The following MED6 variants were observed in gnomAD, a reference collection of about 807,000 sequenced individuals.
MED6 encodes mediator complex subunit 6.
MED6 carries 33 observed loss-of-function variants against 37.5 expected under a neutral mutation model. The ratio of observed to expected loss-of-function variants is 0.88; its 90% CI spans 0.67 to 1.18. MED6 has a LOEUF of 1.18. Ranked by LOEUF, MED6 falls within the 50% of genes most tolerant of loss-of-function variation. The pLI, the probability that MED6 is intolerant of heterozygous loss-of-function variation, is 0.00. For missense variants in MED6, 235 were observed against 290.6 expected, an observed-to-expected ratio of 0.81 and a Z score of 1.39; for synonymous variants, 94 against 93.6, an observed-to-expected ratio of 1.00 and a Z score of -0.02.
At chr14:70,589,353 A>G (rs1348676843) in intron 6 of MED6, among the ~76,000 whole-genome samples, 8 of 152,072 alleles carry the variant, frequency 5.3e-5, no homozygotes, top group Admixed American at 4.6e-4. Flanking sequence ...GTGATTTCCT[A>G]AGCATCCCCC....
chr14:70,596,878 A>G (rs1487722524), intron 2 of MED6, 176 bp from the exon 3 acceptor site: 1 of 510,390 alleles, frequency 2.0e-6, no homozygotes, highest in Non-Finnish European at 3.5e-6. Flanking sequence ...GACAGGTGGC[A>G]TATAGATAAA....
chr14:70,597,949 C>T, intron 1 of MED6, 172 bp from the exon 2 acceptor site: 1 of 429,054 alleles, frequency 2.3e-6, no homozygotes, highest in Non-Finnish European at 4.0e-6. Flanking sequence ...AAAGCAATAA[C>T]ATGATTAAGT....
intron 1 of MED6, among the ~76,000 whole-genome samples, chr14:70,599,622 T>TG (rs1334288579): frequency 6.6e-6 from 1 of 152,244 alleles, no homozygotes; most frequent in Non-Finnish European, 1.5e-5. Context: ...CCAGCCACAC[T>TG]GACCTCCTTG....
At chr14:70,590,690 A>G (rs997668498) in intron 6 of MED6, among the ~76,000 whole-genome samples, 2 of 152,230 alleles carry the variant, frequency 1.3e-5, no homozygotes, top group Non-Finnish European at 2.9e-5. Context: ...CCAAAAGCTC[A>G]TTTAGTAGAA....
At chr14:70,589,361 C>T (rs972097663) in intron 6 of MED6, among the ~76,000 whole-genome samples, 1 of 152,112 alleles carries the variant, frequency 6.6e-6, no homozygotes, top group African/African-American at 2.4e-5. Flanking sequence ...CTAAGCATCC[C>T]CCCCATACTG....
Position 70,592,963 on chromosome 14 carries a change from G to A in MED6, c.383C>T (p.Ser128Leu), listed in dbSNP as rs768765176. The change falls in exon 5 of 8, where the codon TCA becomes TTA. Residue 128 changes from serine to leucine, a missense_variant. By Grantham distance (145) the Ser-to-Leu change is moderately radical. Coordinates refer to ENST00000256379, the MANE Select transcript of MED6 (RefSeq NM_005466.4). ...GTATGACATAGCTTCATCAAAAGCT[G>A]ACTGAATACCATGCACTGCAGTAAG... is the stretch of plus-strand genomic sequence containing the variant. ...RVLTAVHGIQ[S>L]AFDEAMSYCR... 6.2e-7 allele frequency: 1 copy of A among 1,613,680 alleles called. No homozygotes were observed. Among genetic ancestry groups the A allele is most frequent in the East Asian group, 2.2e-5 (1 of 44,860 alleles).
rs10137634 is a variant in MED6, at chr14:70,585,814, G to T, written c.583-31C>A. The T allele has an allele frequency of 0.021, 33,156 of 1,591,782 alleles. 1,144 individuals are homozygous for T. The highest frequency in any genetic ancestry group is 0.15 in the African/African-American group (10,920 of 73,588). On this transcript the variant is annotated intron_variant, in intron 6 of 7. Coordinates refer to ENST00000256379, the MANE Select transcript of MED6 (RefSeq NM_005466.4). ...ATTTTTTAGAAAAAAGGGAGGGAGA[G>T]GAAGAGGAAAAAGAAGAAAACAGGT...
At chr14:70,598,521 T>C (rs541266370) in intron 1 of MED6, among the ~76,000 whole-genome samples, 40 of 151,968 alleles carry the variant, frequency 2.6e-4, no homozygotes, top group African/African-American at 8.7e-4. Flanking sequence ...ACAGAGGACC[T>C]GGGGAAACGA....
intron 6 of MED6, 55 bp downstream of exon 6, chr14:70,591,209 AAT>A: frequency 7.9e-7 from 1 of 1,273,436 alleles, no homozygotes; most frequent in Non-Finnish European, 1.1e-6. Flanking sequence ...ATTAAAAATT[AAT>A]ATATATGCCA....
intron 5 of MED6, chr14:70,592,603 CA>C (rs575696539): frequency 2.9e-4 from 68 of 234,410 alleles, no homozygotes; most frequent in African/African-American, 1.6e-3. Context: ...GCTGGGATTA[CA>C]GGAGTGAGCC....
In MED6 at chr14:70,592,478, C is replaced by CTTTTTTTTT. The variant is rs201036704; in HGVS notation, c.466+393_466+401dup. The CTTTTTTTTT allele has an allele frequency of 4.2e-4, 37 of 88,854 alleles. 2 individuals are homozygous for CTTTTTTTTT. The highest frequency in any genetic ancestry group is 1.5e-3 in the African/African-American group (25 of 17,008). The allele number at this position is 88,854 out of a possible 1,614,324, so 5.5% of individuals were successfully genotyped here. On this transcript the variant is annotated intron_variant, in intron 5 of 7. Transcript: ENST00000256379. ...CCACACCACTGTCTCTCCTATGTTC[C>CTTTTTTTTT]TTTTTTTTTTTTTTTTTTTTTTTTT...
In MED6 at chr14:70,586,209, C is replaced by T. The variant is rs552692167; in HGVS notation, c.583-426G>A. ...GAAGGGAGAATGAAGTATGGATGAA[C>T]CATGACTTTTAAAGTTGGTAGGCAT... On this transcript the variant is annotated intron_variant, in intron 6 of 7. Transcript: ENST00000256379. 3.3e-5 allele frequency among the ~76,000 whole-genome samples: 5 copies of T among 152,178 alleles called. No homozygotes were observed. The South Asian group carries it at 1.0e-3, about 32-fold the overall frequency.
chr14:70,591,006 TGAATGA>T (rs977732604), intron 6 of MED6, among the ~76,000 whole-genome samples: 6 of 152,252 alleles, frequency 3.9e-5, no homozygotes, highest in African/African-American at 1.4e-4. Context: ...AGCAACCTTT[TGAATGA>T]GAATATTATC....
chr14:70,594,798 T>G (rs1257339329), intron 3 of MED6: 1 of 595,620 alleles, frequency 1.7e-6, no homozygotes, highest in African/African-American at 1.9e-5. Flanking sequence ...GAGGAGACCA[T>G]GCAAAGCCTG....
chr14:70,585,345 C>G (rs569658412), intron 7 of MED6, among the ~76,000 whole-genome samples: 8 of 152,230 alleles, frequency 5.3e-5, no homozygotes, highest in Admixed American at 1.3e-4. Context: ...CTTTTTCCCT[C>G]CCAATTCATC....
At chr14:70,597,886 A>G (rs1366384810) in intron 1 of MED6, 109 bp from the exon 2 acceptor site, 13 of 803,608 alleles carry the variant, frequency 1.6e-5, no homozygotes, top group Non-Finnish European at 2.3e-5. Flanking sequence ...TATAAGGATG[A>G]CATAGATCCT....
chr14:70,585,391 C>T lies in MED6; in HGVS notation c.610+365G>A, dbSNP rs2153113. On this transcript the variant is annotated intron_variant, in intron 7 of 7. Transcript: ENST00000256379. ...CACAATCACTACCACAATGGCACCACCTGCTGACAGTTCAGCAGCTCTCAA... is the reference window on the plus strand; with the variant it reads ...CACAATCACTACCACAATGGCACCATCTGCTGACAGTTCAGCAGCTCTCAA... Among the ~76,000 whole-genome samples, 964 of 152,224 alleles carry T rather than the reference C, an allele frequency of 6.3e-3. 7 individuals carry two copies. The highest frequency in any genetic ancestry group is 0.031 in the South Asian group (149 of 4,816).
chr14:70,599,466 TA>T (rs34442774), intron 1 of MED6, among the ~76,000 whole-genome samples: 35 of 152,100 alleles, frequency 2.3e-4, no homozygotes, highest in South Asian at 1.0e-3. Context: ...AATGTAGTCC[TA>T]AAAAAAAGTC....
intron 3 of MED6, among the ~76,000 whole-genome samples, chr14:70,593,694 G>C (rs1192007212): frequency 6.6e-6 from 1 of 152,158 alleles, no homozygotes; most frequent in Non-Finnish European, 1.5e-5. Flanking sequence ...ATGTGCATCT[G>C]AATTACCTGG....
Sources: allele counts gnomAD v4.1 joint callset (sites outside exome capture counted in the v4.1 genomes callset), GRCh38; gene constraint gnomAD v4.1.1; transcripts MANE v1.5; gene names NCBI Gene and HGNC (gene_info 2026-07-23, HGNC 2026-07-21).